The following UBXN7 variants were observed in gnomAD, a reference collection of about 807,000 sequenced individuals.
UBXN7 encodes the protein UBX domain protein 7.
UBXN7 carries 9 observed loss-of-function variants against 58.0 expected under a neutral mutation model. The observed-to-expected ratio is 0.16, with a 90% CI of 0.09 to 0.27. UBXN7 has a LOEUF of 0.27. Ranked by LOEUF, UBXN7 falls within the 10% of genes least tolerant of loss-of-function variation. The probability of loss-of-function intolerance (pLI) is 1.00; values close to 1 mark genes in which losing one functional copy is unlikely to be tolerated. For synonymous variants in UBXN7, 208 were observed against 205.0 expected (o/e 1.01, Z -0.12); for missense variants, 328 against 599.6 (o/e 0.55, Z 4.73).
chr3:196,408,851 C>G (rs564192520), intron 1 of UBXN7, among the ~76,000 whole-genome samples: 2 of 152,118 alleles, frequency 1.3e-5, no homozygotes, highest in African/African-American at 4.8e-5. Flanking sequence ...TGTCTTTAGC[C>G]TTCTGCAATT....
intron 1 of UBXN7, among the ~76,000 whole-genome samples, chr3:196,407,821 T>C (rs974511396): frequency 1.3e-5 from 2 of 152,070 alleles, no homozygotes; most frequent in African/African-American, 2.4e-5. Flanking sequence ...AGCATCAGGC[T>C]GGGCGCAGTG....
intron 6 of UBXN7, 134 bp downstream of exon 6, chr3:196,371,762 C>T (rs948873705): frequency 7.2e-6 from 8 of 1,116,942 alleles, no homozygotes; most frequent in East Asian, 6.1e-5. Context: ...GGATTATAGG[C>T]GTGAGCTACT....
In UBXN7 at chr3:196,353,647, C is replaced by T. The variant is rs1393727069; in HGVS notation, c.*3038G>A. 3 of 152,038 alleles carry T rather than the reference C, an allele frequency of 2.0e-5. No individual in the cohort carries two copies. The highest frequency in any genetic ancestry group is 7.3e-5 in the African/African-American group (3 of 41,368). 9.4% of individuals were successfully genotyped at this position (152,038 alleles called of 1,614,324 possible). A position where few individuals can be genotyped will look rare whatever the true frequency, so the allele number is the denominator to read the frequency against. On this transcript the variant is annotated 3_prime_UTR_variant, in exon 11 of 11. Coordinates refer to ENST00000296328, the MANE Select transcript of UBXN7 (RefSeq NM_015562.2). The stretch of plus-strand genomic sequence containing the variant: ...GATTACAGGTGCACGCCACCACACC[C>T]AGGTAATTTTTGTATTTTTAGTAGA...
Position 196,432,403 on chromosome 3 carries a change from ACCGCCGCCG to A in UBXN7, c.-13_-5del. 1.3e-6 allele frequency: 2 copies of A among 1,586,384 alleles called. No homozygotes were observed. Among genetic ancestry groups the A allele is most frequent in the Non-Finnish European group, 1.7e-6 (2 of 1,162,698 alleles). ...CGGAGCCCCCGTGGGCAGCCATCTT[ACCGCCGCCG>A]CCGCCGCCGAACAACAACACAGACA... On this transcript the variant is annotated 5_prime_UTR_variant, in exon 1 of 11. Transcript: ENST00000296328.
intron 2 of UBXN7, among the ~76,000 whole-genome samples, chr3:196,404,390 G>A (rs1730093374): frequency 6.6e-6 from 1 of 151,370 alleles, no homozygotes; most frequent in South Asian, 2.1e-4. Context: ...AGCCTCCCAA[G>A]GAGCTGGGAC....
intron 5 of UBXN7, 151 bp from the exon 6 acceptor site, chr3:196,372,193 A>T: frequency 2.5e-6 from 2 of 800,528 alleles, no homozygotes; most frequent in Non-Finnish European, 3.7e-6. Flanking sequence ...TACATTCTAT[A>T]TATTTACTTC....
At chr3:196,361,986 T>C in intron 9 of UBXN7, 63 bp from the exon 10 acceptor site, 1 of 1,427,860 alleles carries the variant, frequency 7.0e-7, no homozygotes, top group Non-Finnish European at 9.7e-7. Context: ...AGAATATTAG[T>C]TTAAATAAAT....
intron 2 of UBXN7, 39 bp downstream of exon 2, chr3:196,407,207 G>C: frequency 6.3e-7 from 1 of 1,591,916 alleles, no homozygotes. Context: ...CTTAATTTAG[G>C]CAATGGATAG....
At chr3:196,392,462 G>A (rs887701078) in intron 4 of UBXN7, among the ~76,000 whole-genome samples, 3 of 151,620 alleles carry the variant, frequency 2.0e-5, no homozygotes, top group Non-Finnish European at 2.9e-5. Flanking sequence ...CAGAGATCGC[G>A]CCACTGCACT....
chr3:196,402,682 G>A (rs997905891), intron 3 of UBXN7, among the ~76,000 whole-genome samples: 1 of 152,096 alleles, frequency 6.6e-6, no homozygotes, highest in Non-Finnish European at 1.5e-5. Context: ...AAAATAATCA[G>A]AATCTTTTCA....
At chr3:196,408,625 T>A (rs2108617282) in intron 1 of UBXN7, among the ~76,000 whole-genome samples, 1 of 152,306 alleles carries the variant, frequency 6.6e-6, no homozygotes, top group South Asian at 2.1e-4. Context: ...TAAATGCTCT[T>A]AAGTTTTTGT....
chr3:196,419,113 C>G (rs1409326579), intron 1 of UBXN7, among the ~76,000 whole-genome samples: 1 of 151,906 alleles, frequency 6.6e-6, no homozygotes, highest in Admixed American at 6.6e-5. Flanking sequence ...TAAAAATAAC[C>G]AAAATTAGCT....
At chr3:196,399,860 A>G (rs1190885413) in intron 3 of UBXN7, 1 of 151,688 alleles carries the variant, frequency 6.6e-6, no homozygotes, top group Non-Finnish European at 1.5e-5. Flanking sequence ...CTGACTCATC[A>G]TTGTTTCTGA....
chr3:196,392,700 G>A (rs1387872478), intron 4 of UBXN7, among the ~76,000 whole-genome samples: 4 of 152,188 alleles, frequency 2.6e-5, no homozygotes, highest in South Asian at 2.1e-4. Context: ...CTACTTGGGA[G>A]GCTGAGGCAG....
chr3:196,401,584 G>A (rs1371043737), intron 3 of UBXN7, among the ~76,000 whole-genome samples: 2 of 150,004 alleles, frequency 1.3e-5, no homozygotes, highest in Non-Finnish European at 3.0e-5. Flanking sequence ...CAGACACAAA[G>A]AAGGGAACAG....
Position 196,368,130 on chromosome 3 carries a change from C to A in UBXN7, c.732G>T (p.Gln244His). 1 of 1,613,988 alleles carries A rather than the reference C, an allele frequency of 6.2e-7. No individual in the cohort carries two copies. The highest frequency in any genetic ancestry group is 8.5e-7 in the Non-Finnish European group (1 of 1,179,954). Residue 244 changes from glutamine (Q) to histidine (H), a missense_variant, in exon 8 of 11, where the codon CAG becomes CAT. Around this residue, in one of 4 missense-constraint regions of UBXN7, gnomAD observed 126 missense variants for 302.6 expected, o/e 0.42. Transcript: ENST00000296328. ...GGTCCAAGAAAGAAGATACATCTAA[C>A]TGGTGCCATTCTACTAGCTTCTGAC... ...RTGQKLVEWH[Q>H]LDVSSFLDQV... is the part of the protein sequence containing the mutation.
chr3:196,427,604 C>G (rs754032830), intron 1 of UBXN7, among the ~76,000 whole-genome samples: 45 of 152,352 alleles, frequency 3.0e-4, no homozygotes, highest in Non-Finnish European at 5.7e-4. Context: ...CAGGCGTGAG[C>G]CACCGCACCT....
intron 5 of UBXN7, among the ~76,000 whole-genome samples, chr3:196,387,613 C>T (rs180720085): frequency 6.4e-4 from 98 of 152,180 alleles, no homozygotes; most frequent in African/African-American, 2.1e-3. Context: ...ACAACCCCAT[C>T]GAAAAGTGGG....
intron 1 of UBXN7, among the ~76,000 whole-genome samples, chr3:196,416,676 C>T (rs1037923828): frequency 1.3e-5 from 2 of 152,078 alleles, no homozygotes; most frequent in Non-Finnish European, 2.9e-5. Context: ...TTTTTTTCCA[C>T]GTTATTATGC....
Sources: allele counts gnomAD v4.1 joint callset (sites outside exome capture counted in the v4.1 genomes callset), GRCh38; gene constraint gnomAD v4.1.1; regional missense constraint gnomAD v4.1.1; transcripts MANE v1.5; gene names NCBI Gene and HGNC (gene_info 2026-07-23, HGNC 2026-07-21).